KCNMB2: variants seen among roughly 807,000 people sequenced by gnomAD.
KCNMB2 encodes potassium calcium-activated channel subfamily M regulatory beta subunit 2.
KCNMB2 carries 9 observed loss-of-function variants against 24.5 expected under a neutral mutation model. The ratio of observed to expected loss-of-function variants is 0.37; its 90% confidence interval spans 0.22 to 0.64. KCNMB2 has a LOEUF of 0.64. KCNMB2 is among the 30% of genes least tolerant of loss of function. The pLI is 0.63. For synonymous variants in KCNMB2, 109 were observed against 104.4 expected (o/e 1.04, Z -0.27); for missense variants, 226 against 284.3 (o/e 0.79, Z 1.47).
intron 1 of KCNMB2, among the ~76,000 whole-genome samples, chr3:178,692,172 T>A (rs1245602470): frequency 6.6e-6 from 1 of 152,180 alleles, no homozygotes. Context: ...TTTACAAAAA[T>A]TTTTCTCCCA....
At chr3:178,823,776 A>AT (rs1197198312) in intron 2 of KCNMB2, among the ~76,000 whole-genome samples, 1 of 152,166 alleles carries the variant, frequency 6.6e-6, no homozygotes, top group African/African-American at 2.4e-5. Context: ...AACAACAGGC[A>AT]TATCTTCCCT....
In KCNMB2 at chr3:178,595,904, C is replaced by G. The variant is rs948311105; in HGVS notation, c.-68+59193C>G. Among the ~76,000 whole-genome samples, 33 of 152,160 alleles carry G rather than the reference C, an allele frequency of 2.2e-4. 1 individual carries two copies. The highest frequency in any genetic ancestry group is 7.7e-4 in the African/African-American group (32 of 41,510). On this transcript the variant is annotated intron_variant, in intron 1 of 4. Transcript: ENST00000452583. ...GAAATAAATGGTCTTTACTGGGCAC[C>G]ATTCAGTAGGTCAGATGCTCTGTGT...
At chr3:178,674,249 A>G (rs1411396097) in intron 1 of KCNMB2, among the ~76,000 whole-genome samples, 1 of 151,688 alleles carries the variant, frequency 6.6e-6, no homozygotes, top group Non-Finnish European at 1.5e-5. Flanking sequence ...GGCTCTAAAT[A>G]CCTTTTGTAA....
chr3:178,730,546 C>T (rs563653761), intron 1 of KCNMB2, among the ~76,000 whole-genome samples: 1 of 152,050 alleles, frequency 6.6e-6, no homozygotes, highest in African/African-American at 2.4e-5. Flanking sequence ...AGTGCTTCTT[C>T]GTAAAATGTA....
At chr3:178,704,960 T>A (rs1246291286) in intron 1 of KCNMB2, among the ~76,000 whole-genome samples, 1 of 152,110 alleles carries the variant, frequency 6.6e-6, no homozygotes, top group African/African-American at 2.4e-5. Context: ...CTTCTCTAGG[T>A]ATATACCACC....
chr3:178,698,282 C>A (rs940216191), intron 1 of KCNMB2, among the ~76,000 whole-genome samples: 1 of 152,168 alleles, frequency 6.6e-6, no homozygotes, highest in Non-Finnish European at 1.5e-5. Context: ...CATATCTTTA[C>A]ATAATCCCAT....
chr3:178,687,567 G>A (rs967399028), intron 1 of KCNMB2, among the ~76,000 whole-genome samples: 2 of 151,104 alleles, frequency 1.3e-5, no homozygotes, highest in South Asian at 2.1e-4. Flanking sequence ...AGAATGATAC[G>A]CAAACAGCAC....
intron 1 of KCNMB2, among the ~76,000 whole-genome samples, chr3:178,564,688 C>T (rs568490692): frequency 2.7e-4 from 41 of 152,306 alleles, no homozygotes; most frequent in African/African-American, 8.9e-4. Context: ...GTTTAAAAAA[C>T]TTGCCCATCT....
At chr3:178,599,847 A>T (rs1307616490) in intron 1 of KCNMB2, among the ~76,000 whole-genome samples, 1 of 152,094 alleles carries the variant, frequency 6.6e-6, no homozygotes, top group Non-Finnish European at 1.5e-5. Context: ...CTCATACAAG[A>T]CATATTCTGC....
chr3:178,568,821 G>A (rs1411118239), intron 1 of KCNMB2, among the ~76,000 whole-genome samples: 10 of 80,220 alleles, frequency 1.2e-4, no homozygotes, highest in African/African-American at 6.1e-4. Flanking sequence ...ATAGATAATA[G>A]ATAGATAGAT....
chr3:178,546,757 G>A (rs572549723), intron 1 of KCNMB2, among the ~76,000 whole-genome samples: 1 of 152,332 alleles, frequency 6.6e-6, no homozygotes, highest in African/African-American at 2.4e-5. Flanking sequence ...GGAATGGAAA[G>A]CCATCCAAGG....
At chr3:178,834,623 G>A (rs186757377) in intron 4 of KCNMB2, among the ~76,000 whole-genome samples, 43 of 152,240 alleles carry the variant, frequency 2.8e-4, no homozygotes, top group Admixed American at 2.6e-3. Context: ...TAAACAGATA[G>A]AAGCTTACCC....
intron 1 of KCNMB2, among the ~76,000 whole-genome samples, chr3:178,791,815 G>A (rs892579806): frequency 3.3e-5 from 5 of 150,918 alleles, no homozygotes; most frequent in African/African-American, 1.2e-4. Flanking sequence ...TTTCAGGCCA[G>A]GAGAGGGTGG....
In KCNMB2 at chr3:178,794,264, C is replaced by G. The variant is rs113251187; in HGVS notation, c.-67-13079C>G. ...CGTGTTCCCCTATCCTAGCTAGTCT[C>G]ATGGTGCTGGGCATGAGGAAGTAAG... On this transcript the variant is annotated intron_variant, in intron 1 of 4. Coordinates refer to ENST00000452583, the MANE Select transcript of KCNMB2 (RefSeq NM_181361.3). 3.1e-3 allele frequency among the ~76,000 whole-genome samples: 475 copies of G among 152,240 alleles called. 5 individuals are homozygous for G. Among genetic ancestry groups the G allele is most frequent in the African/African-American group, 0.011 (443 of 41,554 alleles).
At position 178,629,014 on chromosome 3, in the gene KCNMB2, C is replaced by A. The variant is rs190550611; in HGVS notation, c.-68+92303C>A. ...ACTCATTTAACTGAAGCAAATTTAA[C>A]TACTCAATTTAATGTACGGAATTAA... On this transcript the variant is annotated intron_variant, in intron 1 of 4. Coordinates refer to ENST00000452583, the MANE Select transcript of KCNMB2 (RefSeq NM_181361.3). 7.2e-5 allele frequency among the ~76,000 whole-genome samples: 11 copies of A among 152,244 alleles called. No individual in the cohort carries two copies. In the East Asian group the frequency reaches 2.1e-3, roughly 29 times the overall value.
intron 1 of KCNMB2, among the ~76,000 whole-genome samples, chr3:178,679,004 ATTG>A (rs1175914274): frequency 7.1e-6 from 1 of 140,766 alleles, no homozygotes; most frequent in Non-Finnish European, 1.6e-5. Context: ...TGTTGTTGTC[ATTG>A]TTGTTCATTT....
At chr3:178,673,075 C>T (rs1241595177) in intron 1 of KCNMB2, among the ~76,000 whole-genome samples, 1 of 152,120 alleles carries the variant, frequency 6.6e-6, no homozygotes. Context: ...TTCTCTCTTA[C>T]CCAGCTTAAA....
intron 1 of KCNMB2, among the ~76,000 whole-genome samples, chr3:178,782,511 T>C (rs1359241076): frequency 6.6e-6 from 1 of 150,388 alleles, no homozygotes; most frequent in Non-Finnish European, 1.5e-5. Context: ...TATCTCATTG[T>C]GGTTTTGATT....
intron 1 of KCNMB2, among the ~76,000 whole-genome samples, chr3:178,602,037 AT>A (rs1718099405): frequency 6.6e-6 from 1 of 152,176 alleles, no homozygotes; most frequent in Non-Finnish European, 1.5e-5. Context: ...CAACAGGTTT[AT>A]TGACTGCCTT....
Sources: allele counts gnomAD v4.1 joint callset (sites outside exome capture counted in the v4.1 genomes callset), GRCh38; gene constraint gnomAD v4.1.1; transcripts MANE v1.5; gene names NCBI Gene and HGNC (gene_info 2026-07-23, HGNC 2026-07-21).